HORMAD2: variants seen among roughly 807,000 people sequenced by gnomAD.
HORMAD2 encodes the protein HORMA domain-containing protein 2.
In HORMAD2, 45 loss-of-function variants were observed where a neutral mutation model predicts 38.8. The ratio of observed to expected loss-of-function variants is 1.16; its 90% CI spans 0.91 to 1.49. The LOEUF is 1.49. HORMAD2 is among the 40% of genes most tolerant of loss of function. The pLI, the probability that HORMAD2 is intolerant of heterozygous loss-of-function variation, is 0.00. For missense variants in HORMAD2, 338 were observed against 367.0 expected, an observed-to-expected ratio of 0.92 and a Z score of 0.65; for synonymous variants, 126 against 122.8, an observed-to-expected ratio of 1.03 and a Z score of -0.17.
rs141410129 is a variant in HORMAD2 at position 30,148,865 on chromosome 22, C to T, written c.819+26651C>T. ...TAAAAATACAAAAAAGTTAGCCGGG[C>T]GTGGTGACGGGTGCCTGTAGTCCCA... On this transcript the variant is annotated intron_variant, in intron 10 of 10. Transcript: ENST00000336726. 2.2e-3 allele frequency among the ~76,000 whole-genome samples: 338 copies of T among 152,088 alleles called. 1 individual carries two copies. The highest frequency in any genetic ancestry group is 7.3e-3 in the African/African-American group (303 of 41,492).
chr22:30,171,571 C>G (rs1179744187), intron 10 of HORMAD2, among the ~76,000 whole-genome samples: 1 of 152,126 alleles, frequency 6.6e-6, no homozygotes, highest in Non-Finnish European at 1.5e-5. Flanking sequence ...AGACTCATCA[C>G]TTGTATCTGC....
the HORMAD2 span, among the ~76,000 whole-genome samples, chr22:30,182,520 C>T: frequency 4.4e-3 from 663 of 152,268 alleles, 2 homozygotes; most frequent in Non-Finnish European, 6.7e-3. Flanking sequence ...GCTAAACAAG[C>T]GACAGGGCTG....
chr22:30,167,230 A>G (rs1169287881), intron 10 of HORMAD2, among the ~76,000 whole-genome samples: 1 of 152,146 alleles, frequency 6.6e-6, no homozygotes, highest in Non-Finnish European at 1.5e-5. Context: ...TCTTACAAGG[A>G]TACATCTGAT....
chr22:30,110,141 T>C (rs1921515948), intron 5 of HORMAD2, among the ~76,000 whole-genome samples: 2 of 152,154 alleles, frequency 1.3e-5, no homozygotes, highest in South Asian at 4.1e-4. Flanking sequence ...TGGTATTAAG[T>C]ATTATAAGTA....
chr22:30,160,787 A>G (rs1199567126), intron 10 of HORMAD2, among the ~76,000 whole-genome samples: 2 of 152,238 alleles, frequency 1.3e-5, no homozygotes, highest in Non-Finnish European at 2.9e-5. Flanking sequence ...GTTAATTACA[A>G]CAAAGTGTTT....
At chr22:30,112,172 T>C (rs752658704) in intron 6 of HORMAD2, among the ~76,000 whole-genome samples, 1 of 152,130 alleles carries the variant, frequency 6.6e-6, no homozygotes, top group Non-Finnish European at 1.5e-5. Context: ...TAGTTAAGAA[T>C]AGAAAATGAG....
At chr22:30,118,858 C>A (rs1022938221) in intron 7 of HORMAD2, 122 bp from the exon 8 acceptor site, 26 of 659,084 alleles carry the variant, frequency 3.9e-5, no homozygotes, top group Non-Finnish European at 6.3e-5. Flanking sequence ...TACTGTGAAA[C>A]AAACAGCTAT....
At position 30,104,378 on chromosome 22, in the gene HORMAD2, A is replaced by G. The variant is rs771091188; in HGVS notation, c.258-23A>G. On this transcript the variant is annotated intron_variant, in intron 4 of 10. Coordinates refer to ENST00000336726, the MANE Select transcript of HORMAD2 (RefSeq NM_152510.4). ...TGGATTTGCATATGGTCCAATTGACATCAAACATTTATTTCTTGACAGGAT... is the reference window on the plus strand; with the variant it reads ...TGGATTTGCATATGGTCCAATTGACGTCAAACATTTATTTCTTGACAGGAT... 5.6e-6 allele frequency: 9 copies of G among 1,602,344 alleles called. No individual in the cohort carries two copies. The South Asian group carries it at 1.0e-4, about 18-fold the overall frequency.
intron 1 of HORMAD2, among the ~76,000 whole-genome samples, chr22:30,088,221 A>G (rs1188961595): frequency 3.4e-4 from 51 of 148,956 alleles, no homozygotes; most frequent in Non-Finnish European, 8.9e-5. Flanking sequence ...ATATACACAT[A>G]TATACATATA....
chr22:30,129,217 CAAAAAAAAAAAAAAAAAAAAA>C lies in HORMAD2; in HGVS notation c.819+7022_819+7042del, dbSNP rs750796623. Among the ~76,000 whole-genome samples, 27 of 22,618 alleles carry C rather than the reference CAAAAAAAAAAAAAAAAAAAAA, an allele frequency of 1.2e-3. No homozygotes were observed. In the East Asian group the frequency reaches 0.012, roughly 10 times the overall value. 14.8% of individuals were successfully genotyped at this position (22,618 alleles called of 152,430 possible). The stretch of plus-strand genomic sequence containing the variant: ...TGGGTGGCAGAGTGAGACTCTATCT[CAAAAAAAAAAAAAAAAAAAAA>C]AAAAAAAAAAAAAAAAAAGAGAGAG... On this transcript the variant is annotated intron_variant, in intron 10 of 10. Coordinates refer to ENST00000336726, the MANE Select transcript of HORMAD2 (RefSeq NM_152510.4).
intron 10 of HORMAD2, among the ~76,000 whole-genome samples, chr22:30,151,858 T>C (rs187020694): frequency 6.6e-6 from 1 of 152,302 alleles, no homozygotes; most frequent in Admixed American, 6.5e-5. Flanking sequence ...TTTGGATGCT[T>C]TGTGTCATTA....
chr22:30,199,782 T>A, the HORMAD2 span, among the ~76,000 whole-genome samples: 1 of 151,794 alleles, frequency 6.6e-6, no homozygotes, highest in African/African-American at 2.4e-5. Flanking sequence ...CCATCACCAT[T>A]GTTTTCCACA....
intron 10 of HORMAD2, among the ~76,000 whole-genome samples, chr22:30,145,159 T>C (rs189347058): frequency 3.3e-5 from 5 of 152,330 alleles, no homozygotes; most frequent in Non-Finnish European, 7.3e-5. Context: ...TTTTTAGCAG[T>C]TTTGCTGGAG....
chr22:30,098,822 A>G (rs1420908308), intron 2 of HORMAD2, 30 bp from the exon 3 acceptor site: 1 of 1,590,164 alleles, frequency 6.3e-7, no homozygotes. Flanking sequence ...AAATAATACT[A>G]ATCTTTTTTC....
chr22:30,129,993 A>T (rs1923162970), intron 10 of HORMAD2, among the ~76,000 whole-genome samples: 1 of 151,990 alleles, frequency 6.6e-6, no homozygotes, highest in South Asian at 2.1e-4. Context: ...AAATTTCTTT[A>T]CTCTTGGTAA....
At chr22:30,145,788 T>C (rs1254162261) in intron 10 of HORMAD2, among the ~76,000 whole-genome samples, 2 of 152,238 alleles carry the variant, frequency 1.3e-5, no homozygotes, top group Non-Finnish European at 1.5e-5. Flanking sequence ...TGTTACAAAC[T>C]GATGAATTAT....
chr22:30,152,748 T>C (rs1601579490), intron 10 of HORMAD2, among the ~76,000 whole-genome samples: 1 of 152,354 alleles, frequency 6.6e-6, no homozygotes, highest in East Asian at 1.9e-4. Flanking sequence ...TTCCCTCTTT[T>C]GCTTTTGTTC....
rs189135098 is a variant in HORMAD2, at chr22:30,082,671, A to G, written c.-38+2180A>G. On this transcript the variant is annotated intron_variant, in intron 1 of 10. Transcript: ENST00000336726. ...TAGCAGGGCATGGTGGTGCATGCAT[A>G]TAGTCTCAGCTACTTGGAAGGCTGA... Among the ~76,000 whole-genome samples the G allele has an allele frequency of 6.1e-4, 92 of 151,978 alleles. 1 individual carries two copies. The highest frequency in any genetic ancestry group is 3.4e-3 in the Middle Eastern group (1 of 294).
chr22:30,197,379 A>T, the HORMAD2 span, among the ~76,000 whole-genome samples: 2 of 152,150 alleles, frequency 1.3e-5, no homozygotes, highest in African/African-American at 4.8e-5. Context: ...GTCCAAATGT[A>T]TCAGATTAAC....
Sources: allele counts gnomAD v4.1 joint callset (sites outside exome capture counted in the v4.1 genomes callset), GRCh38; gene constraint gnomAD v4.1.1; transcripts MANE v1.5; gene names NCBI Gene and HGNC (gene_info 2026-07-23, HGNC 2026-07-21).